The following TACC1 variants were observed in gnomAD, a reference collection of about 807,000 sequenced individuals.
The protein encoded by TACC1 is transforming acidic coiled-coil containing protein 1.
Under a neutral mutation model 84.4 loss-of-function variants are expected in TACC1, and 48 were observed. That is an observed-to-expected ratio of 0.57 (90% CI 0.45 to 0.72). The LOEUF is 0.72. TACC1 is among the 30% of genes least tolerant of loss of function. The pLI is 0.00. For missense variants in TACC1, 920 were observed against 973.0 expected (o/e 0.95, Z 0.72); for synonymous variants, 372 against 376.3 (o/e 0.99, Z 0.13).
intron 7 of TACC1, among the ~76,000 whole-genome samples, chr8:38,837,776 A>C (rs1447348596): frequency 6.6e-6 from 1 of 152,236 alleles, no homozygotes; most frequent in East Asian, 1.9e-4. Context: ...CGGCACGGCC[A>C]GGGAAGTACA....
At chr8:38,774,926 G>A (rs1449252659) in intron 3 of TACC1, among the ~76,000 whole-genome samples, 10 of 149,390 alleles carry the variant, frequency 6.7e-5, no homozygotes, top group African/African-American at 2.2e-4. Context: ...CAGGAGAATC[G>A]CTTGAACCCC....
intron 2 of TACC1, chr8:38,742,512 T>G: frequency 3.2e-6 from 4 of 1,236,990 alleles, no homozygotes; most frequent in Non-Finnish European, 4.5e-6. Flanking sequence ...AAATTTTTAT[T>G]TCCTAGTGAA....
At chr8:38,803,536 C>G (rs1271012354) in intron 2 of TACC1, among the ~76,000 whole-genome samples, 1 of 152,138 alleles carries the variant, frequency 6.6e-6, no homozygotes, top group Non-Finnish European at 1.5e-5. Context: ...GTTTTGTCCT[C>G]TGTTCTGTTG....
intron 1 of TACC1, chr8:38,788,115 C>G (rs1356754303): frequency 4.6e-6 from 1 of 218,370 alleles, no homozygotes. Flanking sequence ...AAGTCGCTCC[C>G]CGGCCCTTCC....
intron 3 of TACC1, among the ~76,000 whole-genome samples, chr8:38,746,100 A>C (rs1465654765): frequency 1.3e-5 from 2 of 152,180 alleles, no homozygotes; most frequent in African/African-American, 4.8e-5. Context: ...TATAGGTGTA[A>C]GCTCTCCTGC....
chr8:38,788,698 T>C lies in TACC1; in HGVS notation c.162-6T>C. ...GTGGTAATTCCTCATTTTTCCTCCT[T>C]GGCAGCTCGGATTCTGAAGGTAATT... On this transcript the variant is annotated splice_region_variant and splice_polypyrimidine_tract_variant and intron_variant, in intron 1 of 12. Transcript: ENST00000317827. 1.2e-6 allele frequency: 2 copies of C among 1,607,556 alleles called. No individual in the cohort carries two copies. The highest frequency in any genetic ancestry group is 2.2e-5 in the East Asian group (1 of 44,836).
intron 2 of TACC1, among the ~76,000 whole-genome samples, chr8:38,804,277 G>A (rs949203584): frequency 4.6e-5 from 7 of 152,052 alleles, no homozygotes; most frequent in Non-Finnish European, 8.8e-5. Context: ...GTCAAGAGTA[G>A]CCCACTGTTA....
chr8:38,770,038 G>C (rs1471620300), intron 3 of TACC1, among the ~76,000 whole-genome samples: 1 of 151,546 alleles, frequency 6.6e-6, no homozygotes, highest in Non-Finnish European at 1.5e-5. Context: ...CTGTGCATGC[G>C]TGTGGTGTGT....
intron 8 of TACC1, among the ~76,000 whole-genome samples, chr8:38,839,037 C>T (rs1309216497): frequency 1.3e-5 from 2 of 152,018 alleles, no homozygotes; most frequent in African/African-American, 2.4e-5. Flanking sequence ...GCTGGGACCA[C>T]AGGCATGTGC....
intron 2 of TACC1, among the ~76,000 whole-genome samples, chr8:38,798,363 A>G (rs1820485509): frequency 6.6e-6 from 1 of 151,786 alleles, no homozygotes; most frequent in African/African-American, 2.4e-5. Context: ...CTTAGTACAA[A>G]CTTTTTTCAG....
chr8:38,792,257 C>T (rs748494954), intron 2 of TACC1, among the ~76,000 whole-genome samples: 2 of 152,168 alleles, frequency 1.3e-5, no homozygotes, highest in Non-Finnish European at 2.9e-5. Flanking sequence ...AAGAAACATC[C>T]TCTAGGAATG....
At chr8:38,821,134 G>A (rs547690849) in intron 3 of TACC1, among the ~76,000 whole-genome samples, 2 of 152,082 alleles carry the variant, frequency 1.3e-5, no homozygotes, top group African/African-American at 4.8e-5. Flanking sequence ...GAACCCAGGA[G>A]GCAGAGGTTG....
chr8:38,778,692 C>T (rs1168082829), intron 3 of TACC1, among the ~76,000 whole-genome samples: 1 of 152,192 alleles, frequency 6.6e-6, no homozygotes, highest in East Asian at 1.9e-4. Flanking sequence ...CTTCCTGCTT[C>T]ACAAAATCAG....
rs896218858 is a variant in TACC1, at chr8:38,819,616, G to A, written c.372G>A (p.Gln124=). Residue 124 remains glutamine (Q), a synonymous_variant, in exon 3 of 13, where the codon CAG becomes CAA. Coordinates refer to ENST00000317827, the MANE Select transcript of TACC1 (RefSeq NM_006283.3). ...CSKPSENEVP[Q]QAIDSHSVKN... is the part of the protein sequence containing the mutation. ...AACCTTCAGAAAATGAAGTGCCACA[G>A]CAGGCCATTGACTCTCACTCAGTCA... 11 of 1,614,108 alleles carry A rather than the reference G, an allele frequency of 6.8e-6. No individual in the cohort carries two copies. The highest frequency in any genetic ancestry group is 8.5e-6 in the Non-Finnish European group (10 of 1,180,050).
chr8:38,841,081 G>C (rs766986357), intron 9 of TACC1, among the ~76,000 whole-genome samples: 2 of 152,124 alleles, frequency 1.3e-5, no homozygotes, highest in Non-Finnish European at 2.9e-5. Context: ...ACTGCTCCTA[G>C]GGAAAAGACA....
chr8:38,839,345 A>G (rs545266157), intron 8 of TACC1: 4 of 396,282 alleles, frequency 1.0e-5, no homozygotes, highest in Non-Finnish European at 1.8e-5. Flanking sequence ...GTTATGAGCC[A>G]TGAAATGACT....
chr8:38,816,322 A>G (rs1474707092), intron 2 of TACC1, among the ~76,000 whole-genome samples: 2 of 152,208 alleles, frequency 1.3e-5, no homozygotes, highest in African/African-American at 2.4e-5. Flanking sequence ...CAGATAATTT[A>G]GTGCTGTGTC....
chr8:38,781,898 T>G (rs1431540621), intron 3 of TACC1, among the ~76,000 whole-genome samples: 4 of 151,984 alleles, frequency 2.6e-5, no homozygotes, highest in Non-Finnish European at 5.9e-5. Flanking sequence ...AGACTTGGAG[T>G]TGGACTTGGA....
intron 2 of TACC1, among the ~76,000 whole-genome samples, chr8:38,804,449 G>A (rs1363271976): frequency 6.6e-6 from 1 of 151,844 alleles, no homozygotes; most frequent in Non-Finnish European, 1.5e-5. Context: ...ACAGGCACCT[G>A]CCACCATGCC....
Sources: allele counts gnomAD v4.1 joint callset (sites outside exome capture counted in the v4.1 genomes callset), GRCh38; gene constraint gnomAD v4.1.1; transcripts MANE v1.5; gene names NCBI Gene and HGNC (gene_info 2026-07-23, HGNC 2026-07-21).